Variants in NELL1 observed in about 807,000 individuals in gnomAD.
The protein encoded by NELL1 is protein kinase C-binding protein NELL1.
In NELL1, 76 loss-of-function variants were observed where a neutral mutation model predicts 107.4. The observed-to-expected ratio is 0.71, with a 90% CI of 0.59 to 0.86. The LOEUF (loss-of-function observed/expected upper bound fraction) is 0.86, where lower values mean the gene tolerates loss of function less well. Ranked by LOEUF, NELL1 falls within the 40% of genes least tolerant of loss-of-function variation. NELL1 has a pLI of 0.00. For missense variants in NELL1, 1,024 were observed against 1,005.5 expected, an observed-to-expected ratio of 1.02 and a Z score of -0.25; for synonymous variants, 353 against 341.2, an observed-to-expected ratio of 1.03 and a Z score of -0.38.
At chr11:21,340,251 C>A (rs1353972453) in intron 14 of NELL1, among the ~76,000 whole-genome samples, 1 of 152,176 alleles carries the variant, frequency 6.6e-6, no homozygotes, top group African/African-American at 2.4e-5. Context: ...CCCCCAGGTT[C>A]ATGCCATTCT....
chr11:20,895,505 T>TTTG (rs1849715265), intron 5 of NELL1, among the ~76,000 whole-genome samples: 2 of 29,996 alleles, frequency 6.7e-5, no homozygotes, highest in Non-Finnish European at 2.2e-4. Context: ...GATATTTGCC[T>TTTG]TTTTTTTTTT....
chr11:21,273,239 C>A (rs542756867), intron 14 of NELL1, among the ~76,000 whole-genome samples: 1 of 151,942 alleles, frequency 6.6e-6, no homozygotes, highest in Admixed American at 6.6e-5. Flanking sequence ...CCAAGGCATG[C>A]GAACTACGTG....
At chr11:20,910,693 T>A (rs76399711) in intron 5 of NELL1, among the ~76,000 whole-genome samples, 3,507 of 152,294 alleles carry the variant, frequency 0.023, 142 homozygotes, top group African/African-American at 0.08. Context: ...TATTTGTTCA[T>A]CATTGGTCTT....
intron 2 of NELL1, among the ~76,000 whole-genome samples, chr11:20,768,941 C>A (rs920233258): frequency 2.6e-5 from 4 of 152,302 alleles, no homozygotes; most frequent in Admixed American, 2.6e-4. Context: ...TTTGTCACAA[C>A]AGCCATAAGA....
chr11:21,189,213 T>G (rs74813611), intron 13 of NELL1, among the ~76,000 whole-genome samples: 11,762 of 151,940 alleles, frequency 0.077, 576 homozygotes, highest in East Asian at 0.14. Flanking sequence ...TCCTTTTTCC[T>G]GATGACTAGT....
chr11:21,336,796 A>G (rs1850412552), intron 14 of NELL1, among the ~76,000 whole-genome samples: 1 of 151,810 alleles, frequency 6.6e-6, no homozygotes, highest in Non-Finnish European at 1.5e-5. Flanking sequence ...AAAAATTCTA[A>G]TTACTGAAGT....
intron 3 of NELL1, among the ~76,000 whole-genome samples, chr11:20,797,437 G>A (rs1857192259): frequency 6.6e-6 from 1 of 151,868 alleles, no homozygotes; most frequent in Admixed American, 6.6e-5. Context: ...GTGGTGGCGG[G>A]CGCCTGTAGT....
intron 15 of NELL1, among the ~76,000 whole-genome samples, chr11:21,419,108 G>T (rs773204227): frequency 6.6e-6 from 1 of 152,000 alleles, no homozygotes; most frequent in Non-Finnish European, 1.5e-5. Flanking sequence ...GAAAATTGGG[G>T]GCTGTGTTCC....
intron 14 of NELL1, among the ~76,000 whole-genome samples, chr11:21,346,075 T>C (rs951135668): frequency 6.6e-6 from 1 of 152,210 alleles, no homozygotes; most frequent in Non-Finnish European, 1.5e-5. Context: ...TAAGATCACC[T>C]TGGATTTTTT....
intron 5 of NELL1, among the ~76,000 whole-genome samples, chr11:20,904,774 G>A (rs1849956447): frequency 6.6e-6 from 1 of 151,818 alleles, no homozygotes; most frequent in African/African-American, 2.4e-5. Context: ...GTTTTTGGTT[G>A]CTGACATTCA....
chr11:21,258,374 A>G (rs1858822761), intron 14 of NELL1, among the ~76,000 whole-genome samples: 1 of 152,052 alleles, frequency 6.6e-6, no homozygotes, highest in Admixed American at 6.6e-5. Flanking sequence ...AGTATTAATT[A>G]GGATTCTCCA....
In NELL1 at chr11:21,374,876, ACTGTGTGTGT is replaced by A. The variant is rs762956467; in HGVS notation, c.1645+3939_1645+3948del. ...TCAGCTACCAGGCTGTGTGGAACTG[ACTGTGTGTGT>A]CTGTGTGTGTGTGTGTGTGTGTGTG... On this transcript the variant is annotated intron_variant, in intron 15 of 19. Transcript: ENST00000357134. 4.0e-3 allele frequency among the ~76,000 whole-genome samples: 464 copies of A among 116,212 alleles called. 3 individuals are homozygous for A. The highest frequency in any genetic ancestry group is 0.015 in the South Asian group (37 of 2,524). 76.2% of individuals were successfully genotyped at this position (116,212 alleles called of 152,430 possible). A position where few individuals can be genotyped will look rare whatever the true frequency, so the allele number is the denominator to read the frequency against.
chr11:20,988,110 G>T (rs61880771), intron 12 of NELL1, among the ~76,000 whole-genome samples: 6,920 of 152,092 alleles, frequency 0.045, 177 homozygotes, highest in East Asian at 0.08. Context: ...CTGCTATTTG[G>T]TAGTTGAAAT....
At chr11:21,544,069 A>T (rs1159616826) in intron 16 of NELL1, among the ~76,000 whole-genome samples, 1 of 151,992 alleles carries the variant, frequency 6.6e-6, no homozygotes, top group African/African-American at 2.4e-5. Context: ...ATAAAGAAAA[A>T]GAAAAAAACT....
At chr11:21,014,278 T>A (rs1329907974) in intron 12 of NELL1, among the ~76,000 whole-genome samples, 1 of 152,130 alleles carries the variant, frequency 6.6e-6, no homozygotes, top group African/African-American at 2.4e-5. Flanking sequence ...CCATGTGCCC[T>A]GCAGGTCTTC....
chr11:21,466,901 G>A (rs1450103877), intron 15 of NELL1, among the ~76,000 whole-genome samples: 1 of 151,854 alleles, frequency 6.6e-6, no homozygotes, highest in Non-Finnish European at 1.5e-5. Context: ...TATCTCATAT[G>A]ACGGATATGA....
chr11:20,893,626 G>A (rs1018421402), intron 5 of NELL1, among the ~76,000 whole-genome samples: 6 of 150,788 alleles, frequency 4.0e-5, no homozygotes, highest in African/African-American at 1.5e-4. Context: ...GAGAAAAGGG[G>A]ATTTTTTTTA....
At chr11:21,364,063 A>G (rs1034800159) in intron 14 of NELL1, among the ~76,000 whole-genome samples, 2 of 152,150 alleles carry the variant, frequency 1.3e-5, no homozygotes, top group African/African-American at 4.8e-5. Context: ...TTTCTTATAT[A>G]AATATTTCTA....
intron 9 of NELL1, among the ~76,000 whole-genome samples, chr11:20,929,830 G>A (rs536157191): frequency 6.6e-6 from 1 of 152,018 alleles, no homozygotes; most frequent in African/African-American, 2.4e-5. Context: ...AAATTAGCTG[G>A]GTGTGGTGGT....
Sources: gnomAD v4.1 joint callset for allele counts (sites outside exome capture counted in the v4.1 genomes callset) on GRCh38, gnomAD v4.1.1 for gene constraint, MANE v1.5 for transcripts, NCBI Gene and HGNC (gene_info 2026-07-23, HGNC 2026-07-21) for gene names.